The following RAB33A variants were observed in gnomAD, a reference collection of about 807,000 sequenced individuals.
The protein encoded by RAB33A is RAB33A, member RAS oncogene family, also known as ras-related protein Rab-33A.
In RAB33A, 6 loss-of-function variants were observed where a neutral mutation model predicts 12.0. The observed-to-expected ratio is 0.50, with a 90% CI of 0.27 to 0.99. RAB33A has a LOEUF of 0.99. Among genes scored for constraint, RAB33A ranks in the 50% least tolerant of loss-of-function variants. The probability of loss-of-function intolerance (pLI) is 0.11; values close to 1 mark genes in which losing one functional copy is unlikely to be tolerated. For synonymous variants in RAB33A, 70 were observed against 82.4 expected, an observed-to-expected ratio of 0.85 and a Z score of 0.81; for missense variants, 109 against 192.0, an observed-to-expected ratio of 0.57 and a Z score of 2.55.
intron 1 of RAB33A, among the ~76,000 whole-genome samples, chrX:130,174,632 G>A (rs1165516353): frequency 1.8e-5 from 2 of 112,133 alleles, no homozygotes; most frequent in South Asian, 3.7e-4. Context: ...GTGACAGTCC[G>A]AGGTCTGGCC....
chrX:130,128,075 C>T, the RAB33A span, among the ~76,000 whole-genome samples: 2 of 111,199 alleles, frequency 1.8e-5, no homozygotes, highest in Non-Finnish European at 3.8e-5. Context: ...TAGTATTGTT[C>T]GGTATACCTG....
At chrX:130,154,088 C>T in the RAB33A span, among the ~76,000 whole-genome samples, 1 of 112,520 alleles carries the variant, frequency 8.9e-6, no homozygotes, top group African/African-American at 3.2e-5. Context: ...AGTTCAATAA[C>T]AGTTGTAGGT....
At chrX:130,143,154 A>G in the RAB33A span, among the ~76,000 whole-genome samples, 1 of 110,967 alleles carries the variant, frequency 9.0e-6, no homozygotes, top group Non-Finnish European at 1.9e-5. Flanking sequence ...TCCTCTTCTC[A>G]CCAGATCAGT....
At chrX:130,172,391 G>A in intron 1 of RAB33A, 71 bp downstream of exon 1, 1 of 1,120,062 alleles carries the variant, frequency 8.9e-7, no homozygotes, top group East Asian at 3.0e-5. Context: ...TAGCTCTAGC[G>A]GTTGTCGTCG....
intron 1 of RAB33A, among the ~76,000 whole-genome samples, chrX:130,180,035 G>T (rs1262351679): frequency 1.8e-5 from 2 of 110,374 alleles, no homozygotes; most frequent in Admixed American, 2.0e-4. Flanking sequence ...GCTTAACCTT[G>T]AAGAATGGGT....
chrX:130,127,925 G>T, the RAB33A span, among the ~76,000 whole-genome samples: 281 of 110,935 alleles, frequency 2.5e-3, 1 homozygote, highest in Admixed American at 4.2e-3. Flanking sequence ...CCTGACCTCA[G>T]GTGATCTACC....
At chrX:130,163,707 A>G in the RAB33A span, among the ~76,000 whole-genome samples, 1 of 112,361 alleles carries the variant, frequency 8.9e-6, no homozygotes, top group East Asian at 2.8e-4. Context: ...TTCTAACAAC[A>G]CCAACCACTT....
At chrX:130,138,564 G>GA in the RAB33A span, 8 of 1,070,251 alleles carry the variant, frequency 7.5e-6, no homozygotes, top group Non-Finnish European at 1.0e-5. Context: ...ACTAGAGAAA[G>GA]AAAATCAAGG....
At chrX:130,116,099 CTT>C in the RAB33A span, among the ~76,000 whole-genome samples, 207 of 63,050 alleles carry the variant, frequency 3.3e-3, no homozygotes, top group African/African-American at 0.014. Context: ...ACCCCAGGTC[CTT>C]TTTTTTTTTT....
the RAB33A span, among the ~76,000 whole-genome samples, chrX:130,160,084 C>A: frequency 7.1e-5 from 8 of 112,051 alleles, no homozygotes; most frequent in East Asian, 1.7e-3. Context: ...AATATTTAAA[C>A]TACTGCTTGA....
the RAB33A span, chrX:130,137,871 T>C: frequency 2.3e-6 from 1 of 441,069 alleles, no homozygotes. Context: ...AAGACCAGCC[T>C]GACCAACATG....
the RAB33A span, among the ~76,000 whole-genome samples, chrX:130,121,229 CTTTCTTTTTTTTCTTTTCT>C: frequency 3.6e-5 from 4 of 110,402 alleles, no homozygotes; most frequent in Admixed American, 2.9e-4. Context: ...CCCCTCAATC[CTTTCTTTTTTTTCTTTTCT>C]TTTCTTTTTT....
intron 1 of RAB33A, among the ~76,000 whole-genome samples, chrX:130,180,632 T>G (rs2031715305): frequency 2.8e-5 from 3 of 105,789 alleles, no homozygotes; most frequent in Non-Finnish European, 5.8e-5. Flanking sequence ...TTTTTTTATA[T>G]TTTTTGGTAG....
the RAB33A span, among the ~76,000 whole-genome samples, chrX:130,154,373 C>T: frequency 3.6e-5 from 4 of 112,011 alleles, no homozygotes; most frequent in South Asian, 3.7e-4. Flanking sequence ...TAAATTGTTA[C>T]CAACATACTG....
chrX:130,158,061 G>C, the RAB33A span, among the ~76,000 whole-genome samples: 9 of 110,393 alleles, frequency 8.2e-5, no homozygotes, highest in East Asian at 8.5e-4. Context: ...TTGGGAGTTA[G>C]AGACCAGCCT....
the RAB33A span, among the ~76,000 whole-genome samples, chrX:130,146,668 G>A: frequency 9.0e-6 from 1 of 110,805 alleles, no homozygotes; most frequent in East Asian, 2.8e-4. Flanking sequence ...TACTAGAATT[G>A]AGATCTAAGT....
At chrX:130,139,105 AG>A in the RAB33A span, among the ~76,000 whole-genome samples, 1 of 110,773 alleles carries the variant, frequency 9.0e-6, no homozygotes, top group Non-Finnish European at 1.9e-5. Context: ...GCCTTGTTCT[AG>A]GAAGAACTTA....
chrX:130,137,397 C>T, the RAB33A span: 2 of 1,156,567 alleles, frequency 1.7e-6, no homozygotes, highest in East Asian at 3.3e-5. Flanking sequence ...GAACTGCTGG[C>T]CCCAGATTAA....
At chrX:130,126,731 C>T in the RAB33A span, among the ~76,000 whole-genome samples, 7 of 112,233 alleles carry the variant, frequency 6.2e-5, no homozygotes, top group Admixed American at 9.5e-5. Context: ...CAAGGACTTG[C>T]TCAGCACTTC....
Sources: allele counts gnomAD v4.1 joint callset (sites outside exome capture counted in the v4.1 genomes callset), GRCh38; gene constraint gnomAD v4.1.1; transcripts MANE v1.5; gene names NCBI Gene and HGNC (gene_info 2026-07-23, HGNC 2026-07-21).